Variants in ANKRD22 observed in about 807,000 individuals in gnomAD.
ANKRD22 encodes ankyrin repeat domain-containing protein 22.
Under a neutral mutation model 25.7 loss-of-function variants are expected in ANKRD22, and 24 were observed. The ratio of observed to expected loss-of-function variants is 0.93; its 90% CI spans 0.68 to 1.31. The LOEUF (loss-of-function observed/expected upper bound fraction) is 1.31. Among genes scored for constraint, ANKRD22 ranks in the 50% most tolerant of loss-of-function variants. The pLI, the probability that ANKRD22 is intolerant of heterozygous loss-of-function variation, is 0.00. For missense variants in ANKRD22, 214 were observed against 227.1 expected (o/e 0.94, Z 0.37); for synonymous variants, 84 against 84.3 (o/e 1.00, Z 0.02).
intron 4 of ANKRD22, among the ~76,000 whole-genome samples, chr10:88,824,404 A>G (rs943342388): frequency 9.8e-5 from 15 of 152,324 alleles, no homozygotes; most frequent in African/African-American, 3.6e-4. Context: ...CTCTAAAATT[A>G]TAGGAGATCA....
chr10:88,830,505 T>C (rs956032443), intron 2 of ANKRD22, among the ~76,000 whole-genome samples: 2 of 152,126 alleles, frequency 1.3e-5, no homozygotes, highest in African/African-American at 4.8e-5. Context: ...AAATCACAGG[T>C]TCAAATTATT....
chr10:88,846,468 T>C (rs1844049800), intron 1 of ANKRD22, among the ~76,000 whole-genome samples: 1 of 152,212 alleles, frequency 6.6e-6, no homozygotes, highest in Admixed American at 6.5e-5. Context: ...ATGAGAATTT[T>C]AGCTGAAGAA....
Position 88,828,590 on chromosome 10 carries a change from A to T in ANKRD22, c.290T>A (p.Met97Lys). The change falls in exon 3 of 6, where the codon ATG becomes AAG. Residue 97 changes from methionine (M) to lysine (K), a missense_variant. Physicochemically the swap from Met to Lys is moderately conservative, Grantham distance 95. Transcript: ENST00000371930. Reference protein sequence around the residue: ...FIDYLLIILLMPVLLIGYFLM... With the variant: ...FIDYLLIILLKPVLLIGYFLM... ...GAAATACCCAATAAGCAGAACAGGCATTAAGAGGATAATTAGTAGATAATC... is the reference window on the plus strand; with the variant it reads ...GAAATACCCAATAAGCAGAACAGGCTTTAAGAGGATAATTAGTAGATAATC... 6.2e-7 allele frequency: 1 copy of T among 1,610,594 alleles called. No homozygotes were observed. The highest frequency in any genetic ancestry group is 8.5e-7 in the Non-Finnish European group (1 of 1,177,504).
intron 2 of ANKRD22, among the ~76,000 whole-genome samples, chr10:88,830,222 T>C (rs568748694): frequency 6.6e-6 from 1 of 152,370 alleles, no homozygotes; most frequent in Non-Finnish European, 1.5e-5. Context: ...ATAAAAAGTA[T>C]TAATGCTTTT....
At chr10:88,846,443 T>G (rs1388996678) in intron 1 of ANKRD22, among the ~76,000 whole-genome samples, 1 of 152,202 alleles carries the variant, frequency 6.6e-6, no homozygotes, top group Non-Finnish European at 1.5e-5. Context: ...GCACATGGAA[T>G]AAGTATTACT....
In ANKRD22 at chr10:88,823,022, A is replaced by T; in HGVS notation, c.499-4T>A. 1 of 1,612,056 alleles carries T rather than the reference A, an allele frequency of 6.2e-7. No homozygotes were observed. Among genetic ancestry groups the T allele is most frequent in the Non-Finnish European group, 8.5e-7 (1 of 1,178,248 alleles). On this transcript the variant is annotated splice_region_variant and splice_polypyrimidine_tract_variant and intron_variant, in intron 5 of 5. Transcript: ENST00000371930. ...TATCCAGTGAGCTCTCACCATGCTG[A>T]GGGGGGAAAAATATACAGTTATTTC...
chr10:88,834,121 A>T (rs1402871319), intron 1 of ANKRD22, among the ~76,000 whole-genome samples: 1 of 152,264 alleles, frequency 6.6e-6, no homozygotes, highest in Non-Finnish European at 1.5e-5. Flanking sequence ...TAGTGCTTAA[A>T]TAAAACCTTC....
chr10:88,832,168 T>C, intron 1 of ANKRD22, 142 bp from the exon 2 acceptor site: 1 of 873,694 alleles, frequency 1.1e-6, no homozygotes, highest in Admixed American at 3.2e-5. Context: ...GATTTTTTGG[T>C]CTCAGTTATG....
chr10:88,848,180 ATATATG>A lies in ANKRD22; in HGVS notation c.21+3401_21+3406del, dbSNP rs1225690983. ...TATATATATGTATATATGTGTATAT[ATATATG>A]TATATATGTATATATACATATATAT... is the stretch of plus-strand genomic sequence containing the variant. On this transcript the variant is annotated intron_variant, in intron 1 of 5. Transcript: ENST00000371930. Among the ~76,000 whole-genome samples, 6 of 128,664 alleles carry A rather than the reference ATATATG, an allele frequency of 4.7e-5. No individual in the cohort carries two copies. In the East Asian group the frequency reaches 1.2e-3, roughly 26 times the overall value. 84.4% of individuals were successfully genotyped at this position (128,664 alleles called of 152,430 possible).
At chr10:88,846,776 T>TGAA (rs1844053063) in intron 1 of ANKRD22, among the ~76,000 whole-genome samples, 1 of 152,158 alleles carries the variant, frequency 6.6e-6, no homozygotes. Context: ...CCACAAGGCC[T>TGAA]GTCTCATCGG....
chr10:88,820,249 C>T lies in ANKRD22; in HGVS notation c.*2692G>A, dbSNP rs1385735810. On this transcript the variant is annotated 3_prime_UTR_variant, in exon 6 of 6. Transcript: ENST00000371930. ...TTCTCTAGCCAACTCCTGTAAGGTA[C>T]AGAGTCAGAGATATGACGGTCCCTA... The T allele has an allele frequency of 1.3e-6, 2 of 1,551,264 alleles. No individual in the cohort carries two copies. Among genetic ancestry groups the T allele is most frequent in the Non-Finnish European group, 1.7e-6 (2 of 1,146,934 alleles).
intron 1 of ANKRD22, among the ~76,000 whole-genome samples, chr10:88,842,042 T>A (rs1488709689): frequency 6.6e-6 from 1 of 152,140 alleles, no homozygotes; most frequent in Non-Finnish European, 1.5e-5. Context: ...ACAGTTTGGC[T>A]GGGGAAGGGC....
Position 88,821,572 on chromosome 10 carries a change from G to A in ANKRD22, c.*1369C>T, listed in dbSNP as rs1392367923. On this transcript the variant is annotated 3_prime_UTR_variant, in exon 6 of 6. Coordinates refer to ENST00000371930, the MANE Select transcript of ANKRD22 (RefSeq NM_144590.3). The stretch of plus-strand genomic sequence containing the variant: ...CACCTGGTAGCTCAGCTCAATGCCA[G>A]TGAATCTTAATTTATTAAGACACGT... Among the ~76,000 whole-genome samples, 1 of 152,212 alleles carries A rather than the reference G, an allele frequency of 6.6e-6. No individual in the cohort carries two copies. The highest frequency in any genetic ancestry group is 2.4e-5 in the African/African-American group (1 of 41,452).
chr10:88,821,181 T>C lies in ANKRD22; in HGVS notation c.*1760A>G, dbSNP rs1405707677. Among the ~76,000 whole-genome samples, 1 of 152,250 alleles carries C rather than the reference T, an allele frequency of 6.6e-6. No homozygotes were observed. Among genetic ancestry groups the C allele is most frequent in the Non-Finnish European group, 1.5e-5 (1 of 68,038 alleles). ...CCAAGCTTGTTGGAAGGTTTACAGC[T>C]TGTTGCTAGGAGACCTAATGACTAA... On this transcript the variant is annotated 3_prime_UTR_variant, in exon 6 of 6. Transcript: ENST00000371930.
intron 1 of ANKRD22, among the ~76,000 whole-genome samples, chr10:88,845,849 A>T (rs140756772): frequency 1.4e-3 from 208 of 152,164 alleles, no homozygotes; most frequent in Non-Finnish European, 8.7e-4. Flanking sequence ...TTCCTCTCTT[A>T]AGATCCTTTA....
intron 1 of ANKRD22, among the ~76,000 whole-genome samples, chr10:88,848,463 G>C (rs145535577): frequency 1.0e-3 from 157 of 152,124 alleles, no homozygotes; most frequent in African/African-American, 3.5e-3. Flanking sequence ...GGATGAAAAC[G>C]CCTGATGCTC....
At chr10:88,832,453 TTATCTTTATCTTTACTAAAGATAAAA>T (rs1564604126) in intron 1 of ANKRD22, among the ~76,000 whole-genome samples, 3 of 150,582 alleles carry the variant, frequency 2.0e-5, no homozygotes, top group South Asian at 2.1e-4. Context: ...CAAAATACCT[TTATCTTTATCTTTACTAAAGATAAAA>T]TATCTTTATC....
At chr10:88,824,204 A>G (rs1843832215) in intron 4 of ANKRD22, among the ~76,000 whole-genome samples, 1 of 152,204 alleles carries the variant, frequency 6.6e-6, no homozygotes, top group Non-Finnish European at 1.5e-5. Flanking sequence ...TATGTGTTAT[A>G]AGCTAGTGCA....
chr10:88,829,388 T>A (rs930172594), intron 2 of ANKRD22, among the ~76,000 whole-genome samples: 3 of 152,338 alleles, frequency 2.0e-5, no homozygotes, highest in Admixed American at 6.5e-5. Context: ...AGAACACTTT[T>A]TGTTTTTCTA....
Sources: gnomAD v4.1 joint callset for allele counts (sites outside exome capture counted in the v4.1 genomes callset) on GRCh38, gnomAD v4.1.1 for gene constraint, MANE v1.5 for transcripts, NCBI Gene and HGNC (gene_info 2026-07-23, HGNC 2026-07-21) for gene names.